The following SYT7 variants were observed in gnomAD, a reference collection of about 807,000 sequenced individuals.
SYT7 encodes the protein synaptotagmin-7.
In SYT7, 29 loss-of-function variants were observed where a neutral mutation model predicts 75.1. The observed-to-expected ratio is 0.39, with a 90% CI of 0.29 to 0.53. SYT7 has a LOEUF of 0.53. Ranked by LOEUF, SYT7 falls within the 20% of genes least tolerant of loss-of-function variation. The probability of loss-of-function intolerance (pLI) is 0.77; values close to 1 mark genes in which losing one functional copy is unlikely to be tolerated. For synonymous variants in SYT7, 376 were observed against 401.7 expected (o/e 0.94, Z 0.76); for missense variants, 693 against 953.2 (o/e 0.73, Z 3.59).
chr11:61,528,776 G>A (rs1219606729), intron 8 of SYT7, among the ~76,000 whole-genome samples: 2 of 152,186 alleles, frequency 1.3e-5, no homozygotes, highest in Admixed American at 6.5e-5. Flanking sequence ...CTAGGGACAA[G>A]AAAATTGCAG....
At position 61,570,907 on chromosome 11, in the gene SYT7, C is replaced by T. The variant is rs918932289; in HGVS notation, c.31+9883G>A. ...TAGGACCAGATAAGAAGAACTACTA[C>T]GTACATAGTGATAACTGTGACAGGC... On this transcript the variant is annotated intron_variant, in intron 1 of 12. Coordinates refer to ENST00000539008, the MANE Select transcript of SYT7 (RefSeq NM_001365809.2). Among the ~76,000 whole-genome samples the T allele has an allele frequency of 5.3e-5, 8 of 151,472 alleles. No homozygotes were observed. In the East Asian group the frequency reaches 1.3e-3, roughly 26 times the overall value.
chr11:61,552,773 A>G (rs1326069674), intron 2 of SYT7, among the ~76,000 whole-genome samples: 1 of 152,126 alleles, frequency 6.6e-6, no homozygotes, highest in African/African-American at 2.4e-5. Context: ...GCAATGCTGC[A>G]TGTTCCCCCG....
In SYT7 at chr11:61,518,588, ACCTGGGCCCTCGGCCC is replaced by A. The variant is rs769689841; in HGVS notation, c.*23_*38del. On this transcript the variant is annotated 3_prime_UTR_variant, in exon 13 of 13. Coordinates refer to ENST00000539008, the MANE Select transcript of SYT7 (RefSeq NM_001365809.2). The stretch of plus-strand genomic sequence containing the variant: ...ATAAAGTGGTGAGGGCATGATGGGG[ACCTGGGCCCTCGGCCC>A]CCTGGGCCTCCCTTGGCCCCACTCA... 132 of 1,432,676 alleles carry A rather than the reference ACCTGGGCCCTCGGCCC, an allele frequency of 9.2e-5. No homozygotes were observed. Among genetic ancestry groups the A allele is most frequent in the Admixed American group, 3.2e-4 (15 of 46,980 alleles). The allele number at this position is 1,432,676 out of a possible 1,614,324, so 88.7% of individuals were successfully genotyped here. A position where few individuals can be genotyped will look rare whatever the true frequency, so the allele number is the denominator to read the frequency against.
chr11:61,519,071 C>T (rs1590808859), intron 12 of SYT7, among the ~76,000 whole-genome samples: 1 of 152,188 alleles, frequency 6.6e-6, no homozygotes, highest in Admixed American at 6.5e-5. Context: ...TGTCCAGCCC[C>T]CCTGAATTAT....
intron 1 of SYT7, among the ~76,000 whole-genome samples, chr11:61,579,161 G>A (rs564569754): frequency 1.3e-5 from 2 of 152,334 alleles, no homozygotes; most frequent in South Asian, 2.1e-4. Flanking sequence ...CCTGGTGGGC[G>A]AGGGGATGGA....
intron 2 of SYT7, among the ~76,000 whole-genome samples, chr11:61,552,452 G>A (rs2063378936): frequency 6.9e-6 from 1 of 143,966 alleles, no homozygotes; most frequent in South Asian, 2.1e-4. Flanking sequence ...CTCCCCGGCT[G>A]CACACACACA....
upstream of SYT7, among the ~76,000 whole-genome samples, chr11:61,585,280 AATT>A (rs2064363309): frequency 6.6e-6 from 1 of 151,984 alleles, no homozygotes; most frequent in Non-Finnish European, 1.5e-5. Context: ...CTATGGGCTG[AATT>A]ATTAATAAAA....
intron 1 of SYT7, among the ~76,000 whole-genome samples, chr11:61,566,546 C>T (rs1361005239): frequency 6.6e-6 from 1 of 152,204 alleles, no homozygotes; most frequent in African/African-American, 2.4e-5. Flanking sequence ...CACTCCCCAC[C>T]CACCTTGATC....
intron 2 of SYT7, among the ~76,000 whole-genome samples, chr11:61,552,587 TAA>T (rs1389936441): frequency 2.6e-5 from 4 of 152,028 alleles, no homozygotes; most frequent in Non-Finnish European, 5.9e-5. Flanking sequence ...TAAAGCAGAG[TAA>T]GAGCTGTCAC....
At chr11:61,531,988 T>C (rs2062727433) in intron 8 of SYT7, among the ~76,000 whole-genome samples, 2 of 151,330 alleles carry the variant, frequency 1.3e-5, no homozygotes, top group Non-Finnish European at 2.9e-5. Context: ...GGCTGATTCC[T>C]GTGCACGTAG....
In SYT7 at chr11:61,551,267, G is replaced by C. The variant is rs766114954; in HGVS notation, c.215+117C>G. On this transcript the variant is annotated intron_variant, in intron 3 of 12. Coordinates refer to ENST00000539008, the MANE Select transcript of SYT7 (RefSeq NM_001365809.2). This position sits in a 1 kb window ranked among gnomAD's most constrained non-coding sequence, Gnocchi z 5.3. Reference sequence around the variant, plus strand: ...TGGAGGGTGTAGAGAGCATGGCATCGGGGTGTGGGGGAAGTGAAAGTGTGT... The same window carrying C: ...TGGAGGGTGTAGAGAGCATGGCATCCGGGTGTGGGGGAAGTGAAAGTGTGT... The C allele has an allele frequency of 1.0e-6, 1 of 968,186 alleles. No homozygotes were observed. The highest frequency in any genetic ancestry group is 1.6e-5 in the African/African-American group (1 of 62,510). The allele number at this position is 968,186 out of a possible 1,614,324, so 60.0% of individuals were successfully genotyped here.
At chr11:61,586,639 T>C in the SYT7 span, among the ~76,000 whole-genome samples, 2 of 152,212 alleles carry the variant, frequency 1.3e-5, no homozygotes, top group Non-Finnish European at 2.9e-5. Flanking sequence ...TTGCCCATAA[T>C]TGGGTGTGTG....
Position 61,542,301 on chromosome 11 carries a change from GC to G in SYT7, c.850del (p.Ala284ArgfsTer27). On this transcript the variant is annotated frameshift_variant, in exon 6 of 13. Coordinates refer to ENST00000539008, the MANE Select transcript of SYT7 (RefSeq NM_001365809.2). LOFTEE classifies it high-confidence loss of function. The surrounding 1 kb of genome is among the most constrained non-coding windows in gnomAD (Gnocchi z 7.8). The stretch of plus-strand genomic sequence containing the variant: ...GTTGGAGCGGCTGCGGCCCCCTGCC[GC>G]CCGGTACTTGGAGCCGGCCGAGGTG... ...QGTSAGSKYRAAGGRSRSNPG... is the reference protein window; with the variant it reads ...QGTSAGSKYRXAGGRSRSNPG... 6.5e-7 allele frequency: 1 copy of G among 1,534,122 alleles called. No homozygotes were observed. The highest frequency in any genetic ancestry group is 8.7e-7 in the Non-Finnish European group (1 of 1,146,000).
At chr11:61,581,261 C>T (rs2064264904), upstream of SYT7, 1 of 147,506 alleles carries the variant, frequency 6.8e-6, no homozygotes, top group Non-Finnish European at 1.5e-5. Flanking sequence ...CCCGAAGCCG[C>T]CCCGAGGGCA....
intron 1 of SYT7, among the ~76,000 whole-genome samples, chr11:61,579,252 G>A (rs1365940974): frequency 6.6e-6 from 1 of 152,244 alleles, no homozygotes; most frequent in Non-Finnish European, 1.5e-5. Flanking sequence ...TTCTAAGAAG[G>A]TGAGCAGAGC....
At position 61,517,692 on chromosome 11, in the gene SYT7, G is replaced by A. The variant is rs1309865748; in HGVS notation, c.*935C>T. ...GTTAGGGCAAAGCTAGTCGGGGCTC[G>A]GGACCCCCTGAGAAGGAAGGGAGAT... On this transcript the variant is annotated 3_prime_UTR_variant, in exon 13 of 13. Coordinates refer to ENST00000539008, the MANE Select transcript of SYT7 (RefSeq NM_001365809.2). The A allele has an allele frequency of 1.8e-5, 7 of 397,936 alleles. No individual in the cohort carries two copies. Among genetic ancestry groups the A allele is most frequent in the Non-Finnish European group, 2.7e-5 (6 of 226,182 alleles). 24.7% of individuals were successfully genotyped at this position (397,936 alleles called of 1,614,324 possible).
At chr11:61,569,814 G>A (rs938628183) in intron 1 of SYT7, among the ~76,000 whole-genome samples, 1 of 152,150 alleles carries the variant, frequency 6.6e-6, no homozygotes, top group Admixed American at 6.5e-5. Flanking sequence ...AGCTCCCAGA[G>A]CCCCAAGAAG....
chr11:61,564,163 G>C (rs188655533), intron 1 of SYT7, among the ~76,000 whole-genome samples: 1 of 152,296 alleles, frequency 6.6e-6, no homozygotes, highest in East Asian at 1.9e-4. Context: ...CTGTAGCCTA[G>C]GTCAAGGTAC....
intron 1 of SYT7, among the ~76,000 whole-genome samples, chr11:61,560,372 T>C (rs2063605832): frequency 6.6e-6 from 1 of 152,122 alleles, no homozygotes; most frequent in South Asian, 2.1e-4. Flanking sequence ...TTCCTGTCTG[T>C]GTTCTTGAGC....
Sources: allele counts gnomAD v4.1 joint callset (sites outside exome capture counted in the v4.1 genomes callset), GRCh38; gene constraint gnomAD v4.1.1; non-coding constraint Gnocchi (gnomAD v3.1); transcripts MANE v1.5; gene names NCBI Gene and HGNC (gene_info 2026-07-23, HGNC 2026-07-21).